SYNPO2: variants seen among roughly 807,000 people sequenced by gnomAD.
The protein encoded by SYNPO2 is synaptopodin 2, also known as synaptopodin-2.
Under a neutral mutation model 85.0 loss-of-function variants are expected in SYNPO2, and 56 were observed. The observed-to-expected ratio is 0.66, with a 90% CI of 0.53 to 0.82. The LOEUF (loss-of-function observed/expected upper bound fraction) is 0.82, where lower values mean the gene tolerates loss of function less well. Ranked by LOEUF, SYNPO2 falls within the 40% of genes least tolerant of loss-of-function variation. The pLI is 0.00. For missense variants in SYNPO2, 1,575 were observed against 1,534.2 expected, an observed-to-expected ratio of 1.03 and a Z score of -0.44; for synonymous variants, 602 against 591.1, an observed-to-expected ratio of 1.02 and a Z score of -0.27.
At chr4:119,040,168 ATTC>A (rs1738663669) in intron 4 of SYNPO2, among the ~76,000 whole-genome samples, 1 of 152,248 alleles carries the variant, frequency 6.6e-6, no homozygotes, top group African/African-American at 2.4e-5. Flanking sequence ...AGCTATTATT[ATTC>A]TTCTAAGGGG....
intron 1 of SYNPO2, among the ~76,000 whole-genome samples, chr4:118,853,785 A>G (rs191788141): frequency 3.9e-5 from 6 of 152,210 alleles, no homozygotes; most frequent in Admixed American, 3.9e-4. Context: ...AAGACTCAAT[A>G]TGTAAGAAGC....
At chr4:118,986,138 A>G (rs879644131) in intron 1 of SYNPO2, among the ~76,000 whole-genome samples, 2 of 152,226 alleles carry the variant, frequency 1.3e-5, no homozygotes, top group Non-Finnish European at 2.9e-5. Flanking sequence ...TTGTTCTCAC[A>G]ATTTTAAATC....
chr4:118,853,718 C>T (rs1196109707), intron 1 of SYNPO2, among the ~76,000 whole-genome samples: 12 of 152,154 alleles, frequency 7.9e-5, no homozygotes. Context: ...AAGTATTCAA[C>T]ATCATTGCCT....
chr4:119,026,700 G>A lies in SYNPO2; in HGVS notation c.331G>A (p.Gly111Ser), dbSNP rs112703735. The change falls in exon 3 of 5, where the codon GGT (glycine) becomes AGT (serine). Residue 111 changes from glycine (G) to serine (S), a missense_variant. By Grantham distance (56) the Gly-to-Ser change is moderately conservative (BLOSUM62 0). Around this residue, in one of 3 missense-constraint regions of SYNPO2, gnomAD observed 1,508 missense variants for 1,446.8 expected, o/e 1.04. Transcript: ENST00000307142. ...NKNLEHLTHG[G>S]YVESTTLQIR... Reference sequence around the variant, plus strand: ...AAACCTCGAGCATCTCACACATGGGGGTTATGTGGAAAGTACCACCCTGCA... The same window carrying A: ...AAACCTCGAGCATCTCACACATGGGAGTTATGTGGAAAGTACCACCCTGCA... 3.1e-6 allele frequency: 5 copies of A among 1,614,100 alleles called. No homozygotes were observed. The highest frequency in any genetic ancestry group is 2.7e-5 in the African/African-American group (2 of 75,016).
chr4:118,942,974 G>A (rs1330708396), intron 1 of SYNPO2, among the ~76,000 whole-genome samples: 1 of 152,062 alleles, frequency 6.6e-6, no homozygotes, highest in African/African-American at 2.4e-5. Flanking sequence ...GGGCATGGGG[G>A]CATGCGCCTG....
intron 1 of SYNPO2, among the ~76,000 whole-genome samples, chr4:118,912,695 C>T (rs1483442662): frequency 1.3e-5 from 2 of 152,066 alleles, no homozygotes; most frequent in Admixed American, 6.6e-5. Context: ...TAGAACAGTA[C>T]ATGCAAAATC....
chr4:118,968,512 C>T (rs970023528), intron 1 of SYNPO2, among the ~76,000 whole-genome samples: 25 of 152,222 alleles, frequency 1.6e-4, no homozygotes, highest in African/African-American at 5.8e-4. Context: ...AGAGCCCAGA[C>T]TTCGAAAGGT....
chr4:119,019,727 G>A (rs1444797158), intron 1 of SYNPO2, among the ~76,000 whole-genome samples: 1 of 152,096 alleles, frequency 6.6e-6, no homozygotes, highest in Non-Finnish European at 1.5e-5. Flanking sequence ...CTAAAGCTTA[G>A]GGTAGTAGCG....
chr4:118,873,057 CAT>C (rs755625995), intron 1 of SYNPO2, among the ~76,000 whole-genome samples: 2 of 152,048 alleles, frequency 1.3e-5, no homozygotes, highest in South Asian at 4.1e-4. Context: ...CACACACACA[CAT>C]ACACACATAT....
intron 1 of SYNPO2, among the ~76,000 whole-genome samples, chr4:118,971,212 T>C (rs1560926862): frequency 1.3e-5 from 2 of 152,256 alleles, no homozygotes; most frequent in Non-Finnish European, 2.9e-5. Flanking sequence ...GGCTAATGTT[T>C]AGTAAATTAC....
intron 1 of SYNPO2, among the ~76,000 whole-genome samples, chr4:118,936,952 A>G (rs918631069): frequency 6.6e-6 from 1 of 151,988 alleles, no homozygotes; most frequent in South Asian, 2.1e-4. Context: ...TACTTCCACA[A>G]TACACTTCAC....
intron 1 of SYNPO2, among the ~76,000 whole-genome samples, chr4:118,978,844 G>A (rs998800989): frequency 6.6e-6 from 1 of 150,448 alleles, no homozygotes; most frequent in Non-Finnish European, 1.5e-5. Context: ...TAGCCCATTT[G>A]TTGAAAAGTG....
intron 1 of SYNPO2, among the ~76,000 whole-genome samples, chr4:118,926,944 C>G (rs1310593875): frequency 6.6e-6 from 1 of 152,106 alleles, no homozygotes; most frequent in Non-Finnish European, 1.5e-5. Context: ...ACTTGGTTAA[C>G]GGGATACTGA....
intron 4 of SYNPO2, among the ~76,000 whole-genome samples, chr4:119,039,114 G>A (rs1050649510): frequency 6.6e-6 from 1 of 152,054 alleles, no homozygotes; most frequent in African/African-American, 2.4e-5. Flanking sequence ...AACAATTATG[G>A]GGGCTTAAGA....
At chr4:118,869,600 G>A (rs4615160) in intron 1 of SYNPO2, among the ~76,000 whole-genome samples, 84,258 of 151,938 alleles carry the variant, frequency 0.55, 26,649 homozygotes, top group Admixed American at 0.69. Context: ...TTGACTGGCC[G>A]TGTTGGAAGT....
chr4:119,028,744 G>A (rs1211130738), intron 3 of SYNPO2, among the ~76,000 whole-genome samples: 1 of 151,252 alleles, frequency 6.6e-6, no homozygotes, highest in Non-Finnish European at 1.5e-5. Context: ...GACAAAAAGA[G>A]CTAATTTTCA....
chr4:118,888,794 G>A (rs935731832), upstream of SYNPO2: 4 of 527,716 alleles, frequency 7.6e-6, no homozygotes, highest in East Asian at 9.9e-5. Flanking sequence ...TGACGCAAGA[G>A]TGGGCTGTGT....
At chr4:118,968,049 A>G (rs1196705721) in intron 1 of SYNPO2, among the ~76,000 whole-genome samples, 1 of 152,218 alleles carries the variant, frequency 6.6e-6, no homozygotes, top group South Asian at 2.1e-4. Context: ...ATTGGTTTCC[A>G]AAGACTTGCT....
At chr4:118,961,315 A>C (rs1356283799) in intron 1 of SYNPO2, among the ~76,000 whole-genome samples, 2 of 152,124 alleles carry the variant, frequency 1.3e-5, no homozygotes, top group African/African-American at 4.8e-5. Context: ...AGGAGCTGAG[A>C]TCTGCCTTGT....
Sources: gnomAD v4.1 joint callset for allele counts (sites outside exome capture counted in the v4.1 genomes callset) on GRCh38, gnomAD v4.1.1 for gene constraint, gnomAD v4.1.1 regional missense constraint, MANE v1.5 for transcripts, NCBI Gene and HGNC (gene_info 2026-07-23, HGNC 2026-07-21) for gene names.